The following SCFD1 variants were observed in gnomAD, a reference collection of about 807,000 sequenced individuals.
SCFD1 encodes the protein sec1 family domain containing 1, also known as sec1 family domain-containing protein 1.
SCFD1 carries 37 observed loss-of-function variants against 103.2 expected under a neutral mutation model. The ratio of observed to expected loss-of-function variants is 0.36; its 90% CI spans 0.28 to 0.47. The LOEUF is 0.47. Among genes scored for constraint, SCFD1 ranks in the 20% least tolerant of loss-of-function variants. SCFD1 has a pLI of 1.00. For synonymous variants in SCFD1, 264 were observed against 245.0 expected (o/e 1.08, Z -0.73); for missense variants, 639 against 761.2 (o/e 0.84, Z 1.89).
intron 17 of SCFD1, among the ~76,000 whole-genome samples, chr14:30,703,175 A>T (rs2139344833): frequency 6.6e-6 from 1 of 152,060 alleles, no homozygotes; most frequent in East Asian, 1.9e-4. Context: ...TGAGGAAACA[A>T]TTAACAAATA....
rs938387106 is a variant in SCFD1, at chr14:30,690,793, T to C, written c.1243-3980T>C. Among the ~76,000 whole-genome samples the C allele has an allele frequency of 3.9e-5, 6 of 152,308 alleles. No homozygotes were observed. In the East Asian group the frequency reaches 9.7e-4, roughly 25 times the overall value. ...CTTCTGCGTCGCTCACGCTGGGAGC[T>C]GTAGACCGGAGCTGTTCCTATTCGG... On this transcript the variant is annotated intron_variant, in intron 14 of 24. Transcript: ENST00000458591.
At chr14:30,690,517 G>A (rs1452152666) in intron 14 of SCFD1, among the ~76,000 whole-genome samples, 3 of 125,184 alleles carry the variant, frequency 2.4e-5, no homozygotes, top group African/African-American at 7.7e-5. Context: ...CTCGTGGTGC[G>A]CCGTTTCTTA....
chr14:30,634,878 C>A (rs1373271348), intron 4 of SCFD1: 4 of 455,854 alleles, frequency 8.8e-6, no homozygotes, highest in Non-Finnish European at 1.3e-5. Flanking sequence ...GGAATTTAAG[C>A]CTTTCCAGAA....
At position 30,653,499 on chromosome 14, in the gene SCFD1, C is replaced by T. The variant is rs749499598; in HGVS notation, c.766C>T (p.Pro256Ser). ...LGAGQFSFQR[P>S]LLVLVDRNID... ...TATGTATATTTACAGCTTCCAGAGG[C>T]CCTTATTAGTCCTTGTTGACAGAAA... Residue 256 changes from proline (P) to serine (S), a missense_variant, in exon 10 of 25, where the codon CCC becomes TCC. By Grantham distance (74) the Pro-to-Ser change is moderately conservative. Transcript: ENST00000458591. 6 of 1,609,874 alleles carry T rather than the reference C, an allele frequency of 3.7e-6. No homozygotes were observed. In the African/African-American group the frequency reaches 5.4e-5, roughly 14 times the overall value.
chr14:30,653,469 T>G lies in SCFD1; in HGVS notation c.756-20T>G. On this transcript the variant is annotated intron_variant, in intron 9 of 24. Coordinates refer to ENST00000458591, the MANE Select transcript of SCFD1 (RefSeq NM_016106.4). ...ACTGGTATCAAGAGTTATGTAATTT[T>G]TTTATATGTATATTTACAGCTTCCA... The G allele has an allele frequency of 6.6e-7, 1 of 1,516,108 alleles. No homozygotes were observed. Among genetic ancestry groups the G allele is most frequent in the Non-Finnish European group, 9.1e-7 (1 of 1,095,134 alleles). The allele number at this position is 1,516,108 out of a possible 1,614,324, so 93.9% of individuals were successfully genotyped here.
chr14:30,714,893 T>A (rs1173371922), intron 19 of SCFD1, among the ~76,000 whole-genome samples: 3 of 152,228 alleles, frequency 2.0e-5, no homozygotes. Context: ...AGCCATAATT[T>A]TCTAAATTTT....
chr14:30,631,946 G>A (rs1371767509), intron 3 of SCFD1, among the ~76,000 whole-genome samples: 3 of 151,508 alleles, frequency 2.0e-5, no homozygotes, highest in East Asian at 3.9e-4. Flanking sequence ...TACTTGGGAG[G>A]CTGAGGAAGG....
chr14:30,671,133 A>G (rs1362555802), intron 11 of SCFD1, among the ~76,000 whole-genome samples: 1 of 152,090 alleles, frequency 6.6e-6, no homozygotes, highest in East Asian at 1.9e-4. Context: ...TTGGGCTTAT[A>G]TTTATTGTTT....
chr14:30,658,399 A>T (rs1360945177), intron 10 of SCFD1: 1 of 152,948 alleles, frequency 6.5e-6, no homozygotes, highest in Non-Finnish European at 1.4e-5. Context: ...TTATTTATTT[A>T]TTTATTTTTT....
At chr14:30,691,956 A>G (rs1890341911) in intron 14 of SCFD1, among the ~76,000 whole-genome samples, 1 of 150,962 alleles carries the variant, frequency 6.6e-6, no homozygotes, top group Admixed American at 6.6e-5. Flanking sequence ...TTATTTATTT[A>G]TTTATTTATT....
chr14:30,694,330 T>C (rs1890535073), intron 14 of SCFD1, among the ~76,000 whole-genome samples: 1 of 152,190 alleles, frequency 6.6e-6, no homozygotes. Context: ...ATCTGTTGGT[T>C]TTTTTCTATA....
At chr14:30,695,811 G>A (rs1407228952) in intron 15 of SCFD1, among the ~76,000 whole-genome samples, 1 of 152,134 alleles carries the variant, frequency 6.6e-6, no homozygotes, top group African/African-American at 2.4e-5. Flanking sequence ...GTACGATGTT[G>A]CAGTAAGCTA....
chr14:30,647,754 G>A (rs1304475590), intron 7 of SCFD1, among the ~76,000 whole-genome samples: 2 of 152,062 alleles, frequency 1.3e-5, no homozygotes, highest in Non-Finnish European at 2.9e-5. Context: ...AGGTTCAAGC[G>A]ATTCTCCTGC....
intron 23 of SCFD1, among the ~76,000 whole-genome samples, chr14:30,729,150 C>T (rs1024839670): frequency 1.1e-4 from 17 of 152,114 alleles, no homozygotes; most frequent in African/African-American, 2.7e-4. Context: ...ATACAAATCC[C>T]GTATCAGATA....
chr14:30,668,570 G>A (rs1345530700), intron 10 of SCFD1, among the ~76,000 whole-genome samples: 1 of 152,138 alleles, frequency 6.6e-6, no homozygotes, highest in Non-Finnish European at 1.5e-5. Flanking sequence ...AAACTAAAGA[G>A]CTTCTGCACA....
At chr14:30,638,808 C>T (rs1229382341) in intron 5 of SCFD1, among the ~76,000 whole-genome samples, 1 of 152,152 alleles carries the variant, frequency 6.6e-6, no homozygotes, top group Non-Finnish European at 1.5e-5. Context: ...AAATATATTT[C>T]AGGTTATAAT....
chr14:30,632,958 G>A (rs1434334409), intron 3 of SCFD1, among the ~76,000 whole-genome samples: 1 of 152,110 alleles, frequency 6.6e-6, no homozygotes, highest in Non-Finnish European at 1.5e-5. Context: ...CAGCTACCAT[G>A]GTGAACTCTT....
chr14:30,622,337 A>G lies in SCFD1; in HGVS notation c.-2A>G. The G allele has an allele frequency of 6.3e-7, 1 of 1,579,548 alleles. No individual in the cohort carries two copies. The highest frequency in any genetic ancestry group is 8.6e-7 in the Non-Finnish European group (1 of 1,163,634). ...GCCGGGCAGTGGCTCGTGGGAGCCA[A>G]GATGGCGGCGGCGGCGGCAGCGACA... On this transcript the variant is annotated 5_prime_UTR_variant, in exon 1 of 25. Transcript: ENST00000458591.
In SCFD1 at chr14:30,653,583, G is replaced by A. The variant is rs1208663255; in HGVS notation, c.850G>A (p.Val284Ile). The A allele has an allele frequency of 1.2e-6, 2 of 1,600,684 alleles. No homozygotes were observed. The highest frequency in any genetic ancestry group is 4.5e-5 in the East Asian group (2 of 44,726). ...TWTYQALVHD[V>I]LDFHLNRVNL... ...GACATATCAAGCATTGGTGCACGATGTACTGGTAAGAGACTAAATGCAGCA... is the reference window on the plus strand; with the variant it reads ...GACATATCAAGCATTGGTGCACGATATACTGGTAAGAGACTAAATGCAGCA... The change falls in exon 10 of 25, where the codon GTA becomes ATA. Residue 284 changes from valine (V) to isoleucine (I), a missense_variant. By Grantham distance (29) the Val-to-Ile change is conservative. Transcript: ENST00000458591.
Sources: allele counts gnomAD v4.1 joint callset (sites outside exome capture counted in the v4.1 genomes callset), GRCh38; gene constraint gnomAD v4.1.1; transcripts MANE v1.5; gene names NCBI Gene and HGNC (gene_info 2026-07-23, HGNC 2026-07-21).